ANO9: variants seen among roughly 807,000 people sequenced by gnomAD.
ANO9 encodes anoctamin 9.
ANO9 carries 80 observed loss-of-function variants against 100.5 expected under a neutral mutation model. The observed-to-expected ratio is 0.80, with a 90% confidence interval of 0.66 to 0.96. The LOEUF is 0.96. Ranked by LOEUF, ANO9 falls within the 40% of genes least tolerant of loss-of-function variation. The pLI, the probability that ANO9 is intolerant of heterozygous loss-of-function variation, is 0.00. For missense variants in ANO9, 1,064 were observed against 1,072.7 expected, an observed-to-expected ratio of 0.99 and a Z score of 0.11; for synonymous variants, 473 against 435.6, an observed-to-expected ratio of 1.09 and a Z score of -1.07.
rs1011514144 is a variant in ANO9, at chr11:422,567, G to T, written c.1335-1369C>A. Among the ~76,000 whole-genome samples, 2 of 152,192 alleles carry T rather than the reference G, an allele frequency of 1.3e-5. No individual in the cohort carries two copies. Among genetic ancestry groups the T allele is most frequent in the Non-Finnish European group, 2.9e-5 (2 of 68,038 alleles). On this transcript the variant is annotated intron_variant, in intron 15 of 22. Coordinates refer to ENST00000332826, the MANE Select transcript of ANO9 (RefSeq NM_001012302.3). This position sits in a 1 kb window ranked among gnomAD's most constrained non-coding sequence, Gnocchi z 4.3. ...CTCACTCAGAAGGACTCAGCCCCAC[G>T]CTGCAAGCTCTGCAGGGGGAGGAGC...
At position 431,963 on chromosome 11, in the gene ANO9, G is replaced by A. The variant is rs114738971; in HGVS notation, c.406+36C>T. The A allele has an allele frequency of 2.2e-4, 353 of 1,612,264 alleles. No homozygotes were observed. The African/African-American group carries it at 4.0e-3, about 18-fold the overall frequency. On this transcript the variant is annotated intron_variant, in intron 5 of 22. Coordinates refer to ENST00000332826, the MANE Select transcript of ANO9 (RefSeq NM_001012302.3). ...GTGAGGTGCTGGGAGAACCCTGCCC[G>A]CAGCGCCCCTGTCAGTGCCCCACCC...
intron 1 of ANO9, among the ~76,000 whole-genome samples, chr11:435,008 C>T (rs1849337331): frequency 6.6e-6 from 1 of 152,120 alleles, no homozygotes; most frequent in Non-Finnish European, 1.5e-5. Flanking sequence ...GCCAGTTGGC[C>T]CTTGAGGGCT....
At chr11:420,203 G>A in intron 19 of ANO9, 1 of 1,401,676 alleles carries the variant, frequency 7.1e-7, no homozygotes, top group South Asian at 1.5e-5. Context: ...CAGAACCTGG[G>A]TCCCCCTTGG....
chr11:429,539 G>T (rs770997103), intron 11 of ANO9, 31 bp downstream of exon 11: 27 of 1,610,508 alleles, frequency 1.7e-5, no homozygotes, highest in Non-Finnish European at 2.0e-5. Context: ...TGCTCGGGTC[G>T]GCCTCAGCTG....
At chr11:433,071 G>T in intron 4 of ANO9, 1 of 523,232 alleles carries the variant, frequency 1.9e-6, no homozygotes, top group South Asian at 3.1e-5. Flanking sequence ...CAGGAACACA[G>T]GCAGCCACAC....
At chr11:426,287 A>T (rs1339767927) in intron 15 of ANO9, among the ~76,000 whole-genome samples, 3 of 151,902 alleles carry the variant, frequency 2.0e-5, no homozygotes, top group East Asian at 1.9e-4. Flanking sequence ...ATTGCTTGAG[A>T]CTGCAGGTGC....
At chr11:424,323 G>A (rs951966880) in intron 15 of ANO9, among the ~76,000 whole-genome samples, 1 of 152,218 alleles carries the variant, frequency 6.6e-6, no homozygotes, top group Non-Finnish European at 1.5e-5. Context: ...GCTGTTTTCC[G>A]AGAGACCTCC....
intron 20 of ANO9, 46 bp from the exon 21 acceptor site, chr11:419,035 C>A: frequency 6.2e-7 from 1 of 1,610,490 alleles, no homozygotes; most frequent in Non-Finnish European, 8.5e-7. Context: ...GCTTCCAGGG[C>A]GGCCCCTTCA....
Position 418,093 on chromosome 11 carries a change from C to G in ANO9, c.*278G>C, listed in dbSNP as rs541394174. Reference sequence around the variant, plus strand: ...AGGAAATTTGCGCCAGTTTTCCTGCCTTGTGGCTGCCTGAGGAGCCCTCAC... The same window carrying G: ...AGGAAATTTGCGCCAGTTTTCCTGCGTTGTGGCTGCCTGAGGAGCCCTCAC... On this transcript the variant is annotated 3_prime_UTR_variant, in exon 23 of 23. Transcript: ENST00000332826. The G allele has an allele frequency of 2.4e-6, 1 of 420,974 alleles. No individual in the cohort carries two copies. The highest frequency in any genetic ancestry group is 3.8e-5 in the East Asian group (1 of 26,314). 26.1% of individuals were successfully genotyped at this position (420,974 alleles called of 1,614,324 possible). A position where few individuals can be genotyped will look rare whatever the true frequency, so the allele number is the denominator to read the frequency against.
chr11:436,955 T>G (rs1590535360), intron 1 of ANO9, among the ~76,000 whole-genome samples: 1 of 43,584 alleles, frequency 2.3e-5, no homozygotes, highest in Admixed American at 2.6e-4. Flanking sequence ...GAGCAGGGGG[T>G]GAGCAGGGGG....
In ANO9 at chr11:432,078, C is replaced by T. The variant is rs776083437; in HGVS notation, c.351-24G>A. The T allele has an allele frequency of 6.2e-7, 1 of 1,612,216 alleles. No individual in the cohort carries two copies. The highest frequency in any genetic ancestry group is 2.2e-5 in the East Asian group (1 of 44,884). On this transcript the variant is annotated intron_variant, in intron 4 of 22. Coordinates refer to ENST00000332826, the MANE Select transcript of ANO9 (RefSeq NM_001012302.3). The surrounding 1 kb of genome is among the most constrained non-coding windows in gnomAD (Gnocchi z 4.8). ...GACTCAAGAGCCAGAGCAGGGTGGC[C>T]CCGTGTGACCACAGTGGACCCTGCC...
In ANO9 at chr11:420,724, C is replaced by A; in HGVS notation, c.1627G>T (p.Glu543Ter). Residue 543 changes from glutamate to a stop codon, truncating the protein, a stop_gained, in exon 18 of 23, where the codon GAG (glutamate) becomes TAG (stop). Transcript: ENST00000332826. LOFTEE classifies it high-confidence loss of function. Reference protein sequence around the residue: ...NTFSLFDEFMEMMIQYGFTTI... With the variant: ...NTFSLFDEFM Reference sequence around the variant, plus strand: ...CCCCGCAGCGCCCACGCACTCATCTCCATGAACTCGTCGAACAGGCTGAAG... The same window carrying A: ...CCCCGCAGCGCCCACGCACTCATCTACATGAACTCGTCGAACAGGCTGAAG... 6.2e-7 allele frequency: 1 copy of A among 1,608,482 alleles called. No individual in the cohort carries two copies.
intron 18 of ANO9, 40 bp downstream of exon 18, chr11:420,678 A>C (rs1292072797): frequency 1.2e-6 from 2 of 1,600,672 alleles, no homozygotes; most frequent in Admixed American, 3.4e-5. Flanking sequence ...CCCGCCCCGC[A>C]TTCGTCTCCG....
chr11:433,292 G>A lies in ANO9; in HGVS notation c.350+22C>T, dbSNP rs566654370. 207 of 1,606,682 alleles carry A rather than the reference G, an allele frequency of 1.3e-4. 1 individual carries two copies. The East Asian group carries it at 3.1e-3, about 24-fold the overall frequency. On this transcript the variant is annotated intron_variant, in intron 4 of 22. Coordinates refer to ENST00000332826, the MANE Select transcript of ANO9 (RefSeq NM_001012302.3). ...GGTGGCAAGGGGTTCTCCTGGCCAC[G>A]GCTCTGGGTGCAGCCTCTCACCTCG...
intron 12 of ANO9, 27 bp downstream of exon 12, chr11:428,695 A>G: frequency 6.2e-7 from 1 of 1,612,590 alleles, no homozygotes; most frequent in Non-Finnish European, 8.5e-7. Flanking sequence ...CCGGGTCTCC[A>G]GCCCCACCGC....
chr11:424,228 G>C (rs1321983171), intron 15 of ANO9, among the ~76,000 whole-genome samples: 1 of 152,138 alleles, frequency 6.6e-6, no homozygotes, highest in Non-Finnish European at 1.5e-5. Context: ...TTGAGGAGTG[G>C]CATGAAAAAA....
intron 7 of ANO9, among the ~76,000 whole-genome samples, 196 bp downstream of exon 7, chr11:431,498 C>T (rs535798350): frequency 7.3e-4 from 9 of 12,272 alleles, no homozygotes; most frequent in Non-Finnish European, 8.1e-4. Context: ...TGTGGGGGCT[C>T]CCGCGGGTAT....
At position 421,186 on chromosome 11, in the gene ANO9, G is replaced by T. The variant is rs545141739; in HGVS notation, c.1347C>A (p.His449Gln). The change falls in exon 16 of 23, where the codon CAC becomes CAA. Residue 449 changes from histidine to glutamine, a missense_variant. Coordinates refer to ENST00000332826, the MANE Select transcript of ANO9 (RefSeq NM_001012302.3). The surrounding 1 kb of genome is among the most constrained non-coding windows in gnomAD (Gnocchi z 6.8). ...IAFILGRING[H>Q]PGKSTRLAGL... is the part of the protein sequence containing the mutation. ...CCGCCAGGCGCGTGGACTTCCCGGG[G>T]TGGCCGTTGATCCTGGGGAGGAAGG... 1 of 1,555,410 alleles carries T rather than the reference G, an allele frequency of 6.4e-7. No homozygotes were observed. Among genetic ancestry groups the T allele is most frequent in the Non-Finnish European group, 8.7e-7 (1 of 1,147,430 alleles).
chr11:437,359 A>G (rs551339268), intron 1 of ANO9, among the ~76,000 whole-genome samples: 2 of 152,284 alleles, frequency 1.3e-5, no homozygotes, highest in South Asian at 2.1e-4. Context: ...GGGCTCAGGT[A>G]GACACCATCT....
Sources: gnomAD v4.1 joint callset for allele counts (sites outside exome capture counted in the v4.1 genomes callset) on GRCh38, gnomAD v4.1.1 for gene constraint, Gnocchi (gnomAD v3.1) non-coding constraint, MANE v1.5 for transcripts, NCBI Gene and HGNC (gene_info 2026-07-23, HGNC 2026-07-21) for gene names.